The following PCDHA12 variants were observed in gnomAD, a reference collection of about 807,000 sequenced individuals.
The protein encoded by PCDHA12 is protocadherin alpha-12.
A neutral mutation model predicts 60.0 loss-of-function variants in PCDHA12; 44 were observed. The observed-to-expected ratio is 0.73, with a 90% CI of 0.58 to 0.94. The LOEUF (loss-of-function observed/expected upper bound fraction) is 0.94. PCDHA12 is among the 40% of genes least tolerant of loss of function. The pLI is 0.00. For synonymous variants in PCDHA12, 569 were observed against 553.0 expected (o/e 1.03, Z -0.40); for missense variants, 1,276 against 1,239.7 (o/e 1.03, Z -0.44).
intron 1 of PCDHA12, among the ~76,000 whole-genome samples, chr5:140,918,303 G>C (rs2078625601): frequency 6.6e-6 from 1 of 152,112 alleles, no homozygotes; most frequent in Non-Finnish European, 1.5e-5. Flanking sequence ...AGAATATAGG[G>C]TTTTCTAGGT....
At chr5:140,877,995 T>A in intron 1 of PCDHA12, 156 bp downstream of exon 1, 1 of 1,054,404 alleles carries the variant, frequency 9.5e-7, no homozygotes. Context: ...AACTTTTATG[T>A]ATTTGTCTAA....
At chr5:140,899,479 A>T (rs2067352016) in intron 1 of PCDHA12, among the ~76,000 whole-genome samples, 1 of 152,194 alleles carries the variant, frequency 6.6e-6, no homozygotes, top group Non-Finnish European at 1.5e-5. Flanking sequence ...TTCTGTTTAT[A>T]TGCTGGATTA....
chr5:140,993,133 C>T (rs2097542175), intron 3 of PCDHA12, among the ~76,000 whole-genome samples: 1 of 152,190 alleles, frequency 6.6e-6, no homozygotes, highest in East Asian at 1.9e-4. Context: ...CCTTCTGTTG[C>T]AACAAGTATA....
rs1554217734 is a variant in PCDHA12, at chr5:140,946,611, AATATATAT to A, written c.2368-32324_2368-32317del. Among the ~76,000 whole-genome samples, 24 of 86,806 alleles carry A rather than the reference AATATATAT, an allele frequency of 2.8e-4. 1 individual carries two copies. Among genetic ancestry groups the A allele is most frequent in the African/African-American group, 1.5e-3 (23 of 15,698 alleles). 56.9% of individuals were successfully genotyped at this position (86,806 alleles called of 152,430 possible). On this transcript the variant is annotated intron_variant, in intron 1 of 3. Coordinates refer to ENST00000398631, the MANE Select transcript of PCDHA12 (RefSeq NM_018903.4). ...GGATGAATAGATAAAGAAAATGTGA[AATATATAT>A]ATATATATATATACAATGGAATACT... is the stretch of plus-strand genomic sequence containing the variant.
chr5:141,000,705 G>A (rs912231910), intron 3 of PCDHA12, among the ~76,000 whole-genome samples: 6 of 151,458 alleles, frequency 4.0e-5, no homozygotes, highest in African/African-American at 1.2e-4. Context: ...TGGGATTACA[G>A]GCATGAGCCA....
chr5:140,891,568 A>G (rs1448026659), intron 1 of PCDHA12, among the ~76,000 whole-genome samples: 1 of 151,646 alleles, frequency 6.6e-6, no homozygotes, highest in Non-Finnish European at 1.5e-5. Flanking sequence ...CTCTAATTAA[A>G]CATATTTTAA....
intron 1 of PCDHA12, among the ~76,000 whole-genome samples, chr5:140,920,841 T>TAAA (rs781921146): frequency 2.7e-5 from 3 of 109,230 alleles, no homozygotes; most frequent in East Asian, 2.6e-4. Context: ...AGACCAAATC[T>TAAA]AAAAAAAAAA....
At chr5:140,903,149 T>C (rs1329505317) in intron 1 of PCDHA12, among the ~76,000 whole-genome samples, 1 of 152,242 alleles carries the variant, frequency 6.6e-6, no homozygotes, top group Non-Finnish European at 1.5e-5. Context: ...CTGTTTTCCA[T>C]AGTGGTTGTG....
At position 140,877,332 on chromosome 5, in the gene PCDHA12, C is replaced by T. The variant is rs2057040352; in HGVS notation, c.1860C>T (p.Ile620=). 1 of 1,613,990 alleles carries T rather than the reference C, an allele frequency of 6.2e-7. No individual in the cohort carries two copies. ...AACCGGCGGCGGTCGGCGCGCACAT[C>T]CCGTTCCACGTGGGGCTGTACACTG... ...ELQPAAVGAH[I]PFHVGLYTGE... The change falls in exon 1 of 4, where the codon ATC becomes ATT. Residue 620 remains isoleucine, a synonymous_variant. Coordinates refer to ENST00000398631, the MANE Select transcript of PCDHA12 (RefSeq NM_018903.4).
At chr5:140,917,157 G>A (rs77234668) in intron 1 of PCDHA12, among the ~76,000 whole-genome samples, 2,784 of 152,240 alleles carry the variant, frequency 0.018, 84 homozygotes, top group African/African-American at 0.063. Context: ...TGGGGGATAT[G>A]GGAGGGGTGA....
intron 1 of PCDHA12, among the ~76,000 whole-genome samples, chr5:140,920,648 A>G (rs1465559942): frequency 1.3e-5 from 2 of 152,148 alleles, no homozygotes; most frequent in Non-Finnish European, 2.9e-5. Flanking sequence ...GATTGAGACC[A>G]TCCTTGCCAA....
chr5:140,934,511 T>G (rs999288213), intron 1 of PCDHA12, among the ~76,000 whole-genome samples: 1 of 152,210 alleles, frequency 6.6e-6, no homozygotes. Context: ...AAAGGGTCCA[T>G]AGACCACACT....
rs781920774 is a variant in PCDHA12 at position 140,882,850 on chromosome 5, T to A, written c.2367+5011T>A. 4 of 1,614,090 alleles carry A rather than the reference T, an allele frequency of 2.5e-6. No homozygotes were observed. In the African/African-American group the frequency reaches 5.3e-5, roughly 22 times the overall value. ...TTGAGCAAATGTCTTCATTATCACT[T>A]GTACTGAGGAAAACACTGGACAGAG... On this transcript the variant is annotated intron_variant, in intron 1 of 3. Coordinates refer to ENST00000398631, the MANE Select transcript of PCDHA12 (RefSeq NM_018903.4).
intron 3 of PCDHA12, among the ~76,000 whole-genome samples, chr5:140,986,151 G>T (rs547474191): frequency 6.6e-6 from 1 of 152,316 alleles, no homozygotes; most frequent in East Asian, 1.9e-4. Flanking sequence ...GCATCACCAA[G>T]TAATGTTTTC....
Position 141,010,819 on chromosome 5 carries a change from TG to T in PCDHA12, c.*883del, listed in dbSNP as rs2098418471. ...AAAACCCCGACACCTCACCTTTCGCTGTTTGTTGTTTCATAGATTTATTTAA... is the reference window on the plus strand; with the variant it reads ...AAAACCCCGACACCTCACCTTTCGCTTTTGTTGTTTCATAGATTTATTTAA... On this transcript the variant is annotated 3_prime_UTR_variant, in exon 4 of 4. Coordinates refer to ENST00000398631, the MANE Select transcript of PCDHA12 (RefSeq NM_018903.4). The T allele has an allele frequency of 6.5e-6, 1 of 153,784 alleles. No individual in the cohort carries two copies. The highest frequency in any genetic ancestry group is 2.1e-4 in the South Asian group (1 of 4,838). 9.5% of individuals were successfully genotyped at this position (153,784 alleles called of 1,614,324 possible).
chr5:140,891,920 C>G (rs1396526194), intron 1 of PCDHA12, among the ~76,000 whole-genome samples: 10 of 152,206 alleles, frequency 6.6e-5, no homozygotes, highest in Non-Finnish European at 8.8e-5. Flanking sequence ...GATGCTGGTG[C>G]CTTGATCTTG....
chr5:140,906,702 T>C (rs1315678574), intron 1 of PCDHA12, among the ~76,000 whole-genome samples: 2 of 152,232 alleles, frequency 1.3e-5, no homozygotes, highest in African/African-American at 2.4e-5. Context: ...GGGCCATTTG[T>C]AGTCCTGCCT....
At chr5:140,999,049 A>G (rs962383659) in intron 3 of PCDHA12, among the ~76,000 whole-genome samples, 2 of 152,332 alleles carry the variant, frequency 1.3e-5, no homozygotes, top group Non-Finnish European at 2.9e-5. Context: ...TGTGCTTTCC[A>G]CCATGCCTAA....
At chr5:140,998,881 T>C (rs892142070) in intron 3 of PCDHA12, among the ~76,000 whole-genome samples, 13 of 152,224 alleles carry the variant, frequency 8.5e-5, no homozygotes, top group Admixed American at 2.6e-4. Flanking sequence ...ATAAGTTTAG[T>C]TGAATAAATA....
Sources: allele counts gnomAD v4.1 joint callset (sites outside exome capture counted in the v4.1 genomes callset), GRCh38; gene constraint gnomAD v4.1.1; transcripts MANE v1.5; gene names NCBI Gene and HGNC (gene_info 2026-07-23, HGNC 2026-07-21).